Variants in WDFY4 observed in about 807,000 individuals in gnomAD.
WDFY4 encodes WD repeat- and FYVE domain-containing protein 4.
Under a neutral mutation model 351.9 loss-of-function variants are expected in WDFY4, and 169 were observed. The ratio of observed to expected loss-of-function variants is 0.48; its 90% confidence interval spans 0.42 to 0.55. The LOEUF is 0.55. Ranked by LOEUF, WDFY4 falls within the 20% of genes least tolerant of loss-of-function variation. The pLI is 0.00. For missense variants in WDFY4, 3,803 were observed against 3,935.6 expected (o/e 0.97, Z 0.90); for synonymous variants, 1,622 against 1,574.6 (o/e 1.03, Z -0.71).
At chr10:48,915,647 G>T (rs74485674) in intron 47 of WDFY4, among the ~76,000 whole-genome samples, 308 of 152,284 alleles carry the variant, frequency 2.0e-3, no homozygotes, top group African/African-American at 4.9e-3. Flanking sequence ...CAGTGTCAAA[G>T]GGAAATGTGT....
Position 48,777,917 on chromosome 10 carries a change from G to T in WDFY4, c.3175+422G>T, listed in dbSNP as rs572161346. 1.3e-4 allele frequency among the ~76,000 whole-genome samples: 20 copies of T among 152,278 alleles called. 1 individual carries two copies. In the South Asian group the frequency reaches 3.9e-3, roughly 30 times the overall value. ...TGACATTGAAAAATTGGCTCATTTCGCTGGTGACTGATGTAGGCTGAGATG... is the reference window on the plus strand; with the variant it reads ...TGACATTGAAAAATTGGCTCATTTCTCTGGTGACTGATGTAGGCTGAGATG... On this transcript the variant is annotated intron_variant, in intron 17 of 61. Transcript: ENST00000325239.
chr10:48,853,820 G>A (rs554031740), intron 39 of WDFY4, among the ~76,000 whole-genome samples: 1 of 152,290 alleles, frequency 6.6e-6, no homozygotes, highest in South Asian at 2.1e-4. Flanking sequence ...AGCATTGACT[G>A]TGTTAGCTCA....
At chr10:48,900,727 T>C (rs1837309598) in intron 46 of WDFY4, among the ~76,000 whole-genome samples, 1 of 152,242 alleles carries the variant, frequency 6.6e-6, no homozygotes, top group Non-Finnish European at 1.5e-5. Flanking sequence ...AATTTCATAT[T>C]TCATTGGAAG....
In WDFY4 at chr10:48,821,306, G is replaced by A. The variant is rs571283979; in HGVS notation, c.5824+130G>A. 1.7e-4 allele frequency: 116 copies of A among 686,864 alleles called. No homozygotes were observed. In the African/African-American group the frequency reaches 1.9e-3, roughly 11 times the overall value. The allele number at this position is 686,864 out of a possible 1,614,324, so 42.5% of individuals were successfully genotyped here. The stretch of plus-strand genomic sequence containing the variant: ...CCTCCACCTGGCGTCAGTCCCTCCA[G>A]GCATCATCAACAAGAACTCCCTGGC... On this transcript the variant is annotated intron_variant, in intron 34 of 61. Transcript: ENST00000325239.
chr10:48,876,681 C>A (rs1056525601), intron 42 of WDFY4, among the ~76,000 whole-genome samples: 1 of 152,148 alleles, frequency 6.6e-6, no homozygotes, highest in Non-Finnish European at 1.5e-5. Context: ...AAGTGAAATT[C>A]AGAGAAAGCA....
intron 13 of WDFY4, 139 bp from the exon 14 acceptor site, chr10:48,774,319 G>A (rs1005655221): frequency 2.6e-5 from 23 of 869,370 alleles, no homozygotes; most frequent in East Asian, 5.3e-5. Flanking sequence ...TGAGACAGGC[G>A]TGGGTGTAGT....
intron 48 of WDFY4, among the ~76,000 whole-genome samples, chr10:48,942,640 G>A (rs781390469): frequency 6.6e-6 from 1 of 152,212 alleles, no homozygotes; most frequent in Admixed American, 6.5e-5. Context: ...GAGAAAGTAG[G>A]TCTTAGTCAC....
chr10:48,718,859 G>T (rs1383787226), intron 2 of WDFY4, among the ~76,000 whole-genome samples: 2 of 152,208 alleles, frequency 1.3e-5, no homozygotes, highest in Non-Finnish European at 2.9e-5. Context: ...AATAAGTCTG[G>T]CATTCCAAAC....
At chr10:48,940,767 G>A (rs1324970643) in intron 47 of WDFY4, among the ~76,000 whole-genome samples, 1 of 152,180 alleles carries the variant, frequency 6.6e-6, no homozygotes, top group Non-Finnish European at 1.5e-5. Flanking sequence ...GGGGCACCTT[G>A]GAGGCTGAGG....
intron 19 of WDFY4, among the ~76,000 whole-genome samples, chr10:48,782,854 T>G (rs2066273152): frequency 6.6e-6 from 1 of 152,176 alleles, no homozygotes; most frequent in Admixed American, 6.5e-5. Context: ...CATTAGACAT[T>G]TATTAGGCAA....
intron 39 of WDFY4, among the ~76,000 whole-genome samples, chr10:48,857,997 T>C (rs2069198747): frequency 6.6e-6 from 1 of 152,174 alleles, no homozygotes; most frequent in African/African-American, 2.4e-5. Context: ...TTTCACCACA[T>C]TGGCCAGGTT....
chr10:48,853,767 A>G (rs1180849676), intron 39 of WDFY4, among the ~76,000 whole-genome samples: 1 of 152,230 alleles, frequency 6.6e-6, no homozygotes, highest in Non-Finnish European at 1.5e-5. Flanking sequence ...CTCTTCTGTA[A>G]GCCTCTCTCA....
At chr10:48,922,508 G>A (rs2133595721) in intron 47 of WDFY4, among the ~76,000 whole-genome samples, 1 of 152,336 alleles carries the variant, frequency 6.6e-6, no homozygotes, top group South Asian at 2.1e-4. Context: ...GTGAAGTTGA[G>A]AACAGTAAAT....
chr10:48,725,833 A>C lies in WDFY4; in HGVS notation c.592-48A>C, dbSNP rs143862217. On this transcript the variant is annotated intron_variant, in intron 5 of 61. Coordinates refer to ENST00000325239, the MANE Select transcript of WDFY4 (RefSeq NM_001394531.1). ...AGGGAACAAATCCATCTGAGGAAGG[A>C]GACTTCCTAACCAGGTCTCCTTGAC... 3.0e-4 allele frequency: 449 copies of C among 1,497,054 alleles called. 2 individuals are homozygous for C. In the East Asian group the frequency reaches 9.7e-3, roughly 32 times the overall value. 92.7% of individuals were successfully genotyped at this position (1,497,054 alleles called of 1,614,324 possible). A position where few individuals can be genotyped will look rare whatever the true frequency, so the allele number is the denominator to read the frequency against.
At chr10:48,783,135 C>T (rs1165061042) in intron 19 of WDFY4, among the ~76,000 whole-genome samples, 2 of 152,000 alleles carry the variant, frequency 1.3e-5, no homozygotes, top group Non-Finnish European at 2.9e-5. Flanking sequence ...TACAGTCATC[C>T]CTCAGTTTCC....
intron 43 of WDFY4, among the ~76,000 whole-genome samples, chr10:48,886,983 T>C (rs73294642): frequency 0.034 from 5,170 of 152,354 alleles, 285 homozygotes; most frequent in African/African-American, 0.12. Context: ...CTAATTTAAA[T>C]GGAAGAGCAG....
Position 48,954,784 on chromosome 10 carries a change from G to A in WDFY4, c.7978-2345G>A, listed in dbSNP as rs555657487. 9.9e-5 allele frequency among the ~76,000 whole-genome samples: 15 copies of A among 152,226 alleles called. No homozygotes were observed. In the East Asian group the frequency reaches 2.7e-3, roughly 27 times the overall value. Reference sequence around the variant, plus strand: ...CCCATTAATTTTGAAACAAATGTATGCAAATACATTTATTAATATAGCAAA... The same window carrying A: ...CCCATTAATTTTGAAACAAATGTATACAAATACATTTATTAATATAGCAAA... On this transcript the variant is annotated intron_variant, in intron 51 of 61. Coordinates refer to ENST00000325239, the MANE Select transcript of WDFY4 (RefSeq NM_001394531.1).
rs1483020337 is a variant in WDFY4 at position 48,774,560 on chromosome 10, C to T, written c.2656C>T (p.Leu886Phe). ...GTGCGAAGCAGGCTTGCTTGGGACC[C>T]TCATGGCCTCCTGCCACAGGGCCCT... ...VMCEAGLLGT[L>F]MASCHRALVT... The change falls in exon 14 of 62, where the codon CTC becomes TTC. Residue 886 changes from leucine to phenylalanine, a missense_variant. Leu to Phe is a conservative substitution (Grantham distance 22, BLOSUM62 0). Coordinates refer to ENST00000325239, the MANE Select transcript of WDFY4 (RefSeq NM_001394531.1). 1 of 1,551,578 alleles carries T rather than the reference C, an allele frequency of 6.4e-7. No homozygotes were observed. Among genetic ancestry groups the T allele is most frequent in the Admixed American group, 2.0e-5 (1 of 50,986 alleles).
At chr10:48,736,309 A>G (rs1484141317) in intron 11 of WDFY4, 1 of 613,734 alleles carries the variant, frequency 1.6e-6, no homozygotes, top group African/African-American at 1.8e-5. Context: ...GTCATTAAGG[A>G]ACTACCATCA....
Sources: allele counts gnomAD v4.1 joint callset (sites outside exome capture counted in the v4.1 genomes callset), GRCh38; gene constraint gnomAD v4.1.1; transcripts MANE v1.5; gene names NCBI Gene and HGNC (gene_info 2026-07-23, HGNC 2026-07-21).